CCDC85C: variants seen among roughly 807,000 people sequenced by gnomAD.
CCDC85C encodes coiled-coil domain-containing protein 85C.
Under a neutral mutation model 38.3 loss-of-function variants are expected in CCDC85C, and 18 were observed. The observed-to-expected ratio is 0.47, with a 90% CI of 0.33 to 0.70. The LOEUF (loss-of-function observed/expected upper bound fraction) is 0.70. CCDC85C is among the 30% of genes least tolerant of loss of function. The pLI is 0.03. For missense variants in CCDC85C, 566 were observed against 621.2 expected (o/e 0.91, Z 0.94); for synonymous variants, 264 against 293.8 (o/e 0.90, Z 1.04).
At position 99,562,314 on chromosome 14, in the gene CCDC85C, CT is replaced by C. The variant is rs1201951664; in HGVS notation, c.794-26227del. ...CCTGCCCCTCCCTCCTCTGGCACCC[CT>C]GAGGGCAGTGGCCAGCCAGTTTCAC... On this transcript the variant is annotated intron_variant, in intron 1 of 5. Transcript: ENST00000380243. Among the ~76,000 whole-genome samples the C allele has an allele frequency of 3.3e-5, 5 of 152,322 alleles. No homozygotes were observed. The East Asian group carries it at 7.7e-4, about 24-fold the overall frequency.
intron 1 of CCDC85C, among the ~76,000 whole-genome samples, chr14:99,574,490 G>A (rs541369385): frequency 9.2e-5 from 14 of 152,212 alleles, no homozygotes; most frequent in African/African-American, 3.1e-4. Flanking sequence ...CTCACAGGCC[G>A]AGGCACAGGG....
chr14:99,553,782 G>A (rs998123739), intron 1 of CCDC85C, among the ~76,000 whole-genome samples: 3 of 152,222 alleles, frequency 2.0e-5, no homozygotes, highest in African/African-American at 7.2e-5. Context: ...AGAAGCCCAG[G>A]GCTGGGCTGA....
rs1353813640 is a variant in CCDC85C, at chr14:99,516,916, A to G, written c.1071+172T>C. Among the ~76,000 whole-genome samples the G allele has an allele frequency of 6.6e-6, 1 of 151,976 alleles. No individual in the cohort carries two copies. The highest frequency in any genetic ancestry group is 1.9e-4 in the East Asian group (1 of 5,178). On this transcript the variant is annotated intron_variant, in intron 4 of 5. Transcript: ENST00000380243. The surrounding 1 kb of genome is among the most constrained non-coding windows in gnomAD (Gnocchi z 5.5). The stretch of plus-strand genomic sequence containing the variant: ...GACAGGTGACACACTTATGACTGCC[A>G]CCTCTGAGTTCAACCTCACAGTGCT...
intron 1 of CCDC85C, among the ~76,000 whole-genome samples, chr14:99,591,337 C>A (rs368212434): frequency 6.6e-6 from 1 of 152,252 alleles, no homozygotes; most frequent in Non-Finnish European, 1.5e-5. Context: ...CCCACATGCG[C>A]CCGCTCAAGG....
intron 3 of CCDC85C, among the ~76,000 whole-genome samples, chr14:99,518,312 A>G (rs111354019): frequency 0.052 from 7,828 of 150,350 alleles, 319 homozygotes; most frequent in African/African-American, 0.12. Context: ...CCGCCTCCAC[A>G]TGGAGACCAG....
At chr14:99,573,109 G>C in intron 1 of CCDC85C, 1 of 302,340 alleles carries the variant, frequency 3.3e-6, no homozygotes, top group South Asian at 3.2e-5. Flanking sequence ...ACCAGGCAGG[G>C]ACTCAGGCGT....
Position 99,517,141 on chromosome 14 carries a change from C to T in CCDC85C, c.1018G>A (p.Ala340Thr). The change falls in exon 4 of 6, where the codon GCT becomes ACT. Residue 340 changes from alanine to threonine, a missense_variant. Physicochemically the swap from Ala to Thr is moderately conservative, Grantham distance 58. Coordinates refer to ENST00000380243, the MANE Select transcript of CCDC85C (RefSeq NM_001144995.2). Reference sequence around the variant, plus strand: ...TTCTGTCCTGCAGGGCTGTAGCCAGCAGAGGGGGGCGAGGGCAGCTCAGGT... The same window carrying T: ...TTCTGTCCTGCAGGGCTGTAGCCAGTAGAGGGGGGCGAGGGCAGCTCAGGT... The part of the protein sequence containing the change: ...PAPELPSPPS[A>T]GYSPAGQKPE... 1.9e-6 allele frequency: 3 copies of T among 1,550,058 alleles called. No homozygotes were observed. The highest frequency in any genetic ancestry group is 2.6e-6 in the Non-Finnish European group (3 of 1,146,726).
At chr14:99,597,547 A>C (rs2055155956) in intron 1 of CCDC85C, among the ~76,000 whole-genome samples, 1 of 152,190 alleles carries the variant, frequency 6.6e-6, no homozygotes, top group Non-Finnish European at 1.5e-5. Flanking sequence ...CCCTGGAGGC[A>C]ACACAGGCCA....
At chr14:99,531,127 G>A (rs1054196270) in intron 2 of CCDC85C, among the ~76,000 whole-genome samples, 17 of 152,178 alleles carry the variant, frequency 1.1e-4, no homozygotes, top group Non-Finnish European at 2.4e-4. Context: ...GCAGGCCAGG[G>A]GAGAGGTGGG....
rs8010999 is a variant in CCDC85C at position 99,549,072 on chromosome 14, C to T, written c.794-12984G>A. ...AGGAGGATGACACACAGGGTGCCTC[C>T]GCTCCACCTGCCAAGCTTGATTTCT... On this transcript the variant is annotated intron_variant, in intron 1 of 5. Coordinates refer to ENST00000380243, the MANE Select transcript of CCDC85C (RefSeq NM_001144995.2). 2.1e-3 allele frequency among the ~76,000 whole-genome samples: 323 copies of T among 152,258 alleles called. 2 individuals carry two copies. Among genetic ancestry groups the T allele is most frequent in the Middle Eastern group, 0.01 (3 of 294 alleles).
chr14:99,581,157 A>T (rs966295283), intron 1 of CCDC85C, among the ~76,000 whole-genome samples: 1 of 152,156 alleles, frequency 6.6e-6, no homozygotes, highest in South Asian at 2.1e-4. Context: ...CACCATCAGC[A>T]CTGGAGAAGG....
In CCDC85C at chr14:99,500,757, G is replaced by A; in HGVS notation, c.*14489C>T. 3.3e-6 allele frequency: 5 copies of A among 1,520,640 alleles called. No individual in the cohort carries two copies. The highest frequency in any genetic ancestry group is 4.5e-6 in the Non-Finnish European group (5 of 1,116,214). 94.2% of individuals were successfully genotyped at this position (1,520,640 alleles called of 1,614,324 possible). On this transcript the variant is annotated 3_prime_UTR_variant, in exon 6 of 6. Coordinates refer to ENST00000380243, the MANE Select transcript of CCDC85C (RefSeq NM_001144995.2). The stretch of plus-strand genomic sequence containing the variant: ...AATTACTGTCCTAACATTTGTGATT[G>A]ATTTTTAGGAGGAAGTAATGGTTCT...
At chr14:99,539,707 G>A (rs1897673871) in intron 1 of CCDC85C, among the ~76,000 whole-genome samples, 1 of 152,206 alleles carries the variant, frequency 6.6e-6, no homozygotes, top group Admixed American at 6.5e-5. Flanking sequence ...TCCAGGCATT[G>A]ACGTGAGTTC....
intron 1 of CCDC85C, 86 bp from the exon 2 acceptor site, chr14:99,536,174 A>G (rs1897594899): frequency 2.0e-6 from 2 of 986,214 alleles, no homozygotes; most frequent in Admixed American, 4.0e-5. Context: ...CAGACCCGGC[A>G]TGGAAGGTTT....
intron 1 of CCDC85C, among the ~76,000 whole-genome samples, chr14:99,560,655 C>T (rs184625665): frequency 3.4e-4 from 52 of 152,252 alleles, no homozygotes; most frequent in African/African-American, 1.2e-3. Context: ...GTGGGCTGTG[C>T]TCGCTGGGCC....
Position 99,572,151 on chromosome 14 carries a change from C to T in CCDC85C, c.793+31016G>A, listed in dbSNP as rs1308714579. ...CCACATACCCTCCCAAGCCTGAGGGCTCAAATTCACAGGGTGGTGGTCCCT... is the reference window on the plus strand; with the variant it reads ...CCACATACCCTCCCAAGCCTGAGGGTTCAAATTCACAGGGTGGTGGTCCCT... On this transcript the variant is annotated intron_variant, in intron 1 of 5. Coordinates refer to ENST00000380243, the MANE Select transcript of CCDC85C (RefSeq NM_001144995.2). This position sits in a 1 kb window ranked among gnomAD's most constrained non-coding sequence, Gnocchi z 4.4. Among the ~76,000 whole-genome samples, 2 of 152,194 alleles carry T rather than the reference C, an allele frequency of 1.3e-5. No homozygotes were observed. Among genetic ancestry groups the T allele is most frequent in the Non-Finnish European group, 2.9e-5 (2 of 68,024 alleles).
intron 1 of CCDC85C, chr14:99,580,144 C>T (rs1267841058): frequency 6.6e-6 from 3 of 455,552 alleles, no homozygotes; most frequent in Non-Finnish European, 1.3e-5. Flanking sequence ...ACAGCCTGTG[C>T]AGGCCTGGCC....
chr14:99,517,463 T>A (rs1897245448), intron 3 of CCDC85C, among the ~76,000 whole-genome samples: 1 of 152,188 alleles, frequency 6.6e-6, no homozygotes, highest in South Asian at 2.1e-4. Context: ...CAGGCTCCTC[T>A]ACAACACCCC....
intron 1 of CCDC85C, among the ~76,000 whole-genome samples, chr14:99,585,095 C>T (rs2055012901): frequency 6.6e-6 from 1 of 152,128 alleles, no homozygotes; most frequent in African/African-American, 2.4e-5. Context: ...ACCCCGTCCC[C>T]TCCACCCCCA....
Sources: allele counts gnomAD v4.1 joint callset (sites outside exome capture counted in the v4.1 genomes callset), GRCh38; gene constraint gnomAD v4.1.1; non-coding constraint Gnocchi (gnomAD v3.1); transcripts MANE v1.5; gene names NCBI Gene and HGNC (gene_info 2026-07-23, HGNC 2026-07-21).